The following CSMD1 variants were observed in gnomAD, a reference collection of about 807,000 sequenced individuals.
CSMD1 encodes CUB and sushi domain-containing protein 1.
Under a neutral mutation model 417.5 loss-of-function variants are expected in CSMD1, and 213 were observed. That is an observed-to-expected ratio of 0.51 (90% CI 0.46 to 0.57). The LOEUF (loss-of-function observed/expected upper bound fraction) is 0.57, where lower values mean the gene tolerates loss of function less well. Among genes scored for constraint, CSMD1 ranks in the 20% least tolerant of loss-of-function variants. CSMD1 has a pLI of 0.00. For synonymous variants in CSMD1, 2,862 were observed against 1,736.8 expected, an observed-to-expected ratio of 1.65 and a Z score of -16.11; for missense variants, 6,923 against 4,529.7, an observed-to-expected ratio of 1.53 and a Z score of -15.17.
intron 6 of CSMD1, among the ~76,000 whole-genome samples, chr8:3,737,861 A>G (rs1415427939): frequency 6.6e-6 from 1 of 152,238 alleles, no homozygotes; most frequent in African/African-American, 2.4e-5. Context: ...ATGTTAAGTC[A>G]GCCTTATTTA....
At chr8:4,381,719 C>T (rs531732493) in intron 3 of CSMD1, among the ~76,000 whole-genome samples, 7 of 152,062 alleles carry the variant, frequency 4.6e-5, no homozygotes, top group Non-Finnish European at 8.8e-5. Context: ...TTCACGCTGC[C>T]GTGGATGGAC....
At chr8:4,431,202 G>T (rs1250538562) in intron 2 of CSMD1, among the ~76,000 whole-genome samples, 1 of 151,790 alleles carries the variant, frequency 6.6e-6, no homozygotes, top group Non-Finnish European at 1.5e-5. Context: ...GTTTATTCCA[G>T]GTCTGTTTTC....
At chr8:4,157,543 C>G (rs965024650) in intron 3 of CSMD1, among the ~76,000 whole-genome samples, 1 of 152,162 alleles carries the variant, frequency 6.6e-6, no homozygotes, top group African/African-American at 2.4e-5. Flanking sequence ...TACCTCTAGT[C>G]AATGACTGTG....
intron 5 of CSMD1, among the ~76,000 whole-genome samples, chr8:3,992,426 T>A (rs1529321): frequency 0.77 from 116,564 of 152,022 alleles, 44,968 homozygotes; most frequent in East Asian, 0.98. Context: ...AAAACAAAAA[T>A]AAGTGTTGAG....
At chr8:3,665,147 G>C (rs1205024888) in intron 7 of CSMD1, among the ~76,000 whole-genome samples, 1 of 152,142 alleles carries the variant, frequency 6.6e-6, no homozygotes, top group Non-Finnish European at 1.5e-5. Flanking sequence ...TGTATCATGA[G>C]CATTGACCAA....
intron 7 of CSMD1, among the ~76,000 whole-genome samples, chr8:3,675,936 T>C (rs1799352396): frequency 6.6e-6 from 1 of 152,200 alleles, no homozygotes; most frequent in Non-Finnish European, 1.5e-5. Flanking sequence ...GAGAGTAATG[T>C]ACCTGAGTAT....
At chr8:3,741,343 G>A (rs771013986) in intron 6 of CSMD1, among the ~76,000 whole-genome samples, 1 of 151,606 alleles carries the variant, frequency 6.6e-6, no homozygotes, top group Non-Finnish European at 1.5e-5. Flanking sequence ...CTTTCAAGAA[G>A]TTTGACAGTG....
intron 3 of CSMD1, among the ~76,000 whole-genome samples, chr8:4,038,228 T>G (rs1042761516): frequency 6.6e-6 from 1 of 152,114 alleles, no homozygotes; most frequent in Non-Finnish European, 1.5e-5. Flanking sequence ...TGTAAAAATT[T>G]TAATGGGAAC....
intron 1 of CSMD1, among the ~76,000 whole-genome samples, chr8:4,950,731 C>A (rs11783879): frequency 2.0e-5 from 3 of 151,964 alleles, no homozygotes; most frequent in Non-Finnish European, 2.9e-5. Context: ...GAATACCACG[C>A]ACTTTCAAAC....
At chr8:4,509,264 A>C (rs1802694910) in intron 2 of CSMD1, among the ~76,000 whole-genome samples, 1 of 152,090 alleles carries the variant, frequency 6.6e-6, no homozygotes, top group Non-Finnish European at 1.5e-5. Context: ...AATATGCCAT[A>C]TTTTCTTTTA....
intron 26 of CSMD1, among the ~76,000 whole-genome samples, chr8:3,250,043 C>G (rs569965906): frequency 6.6e-6 from 1 of 152,182 alleles, no homozygotes; most frequent in South Asian, 2.1e-4. Context: ...TCCATGTGAC[C>G]AAGTACATAT....
chr8:4,147,044 C>T (rs1284892532), intron 3 of CSMD1, among the ~76,000 whole-genome samples: 3 of 152,048 alleles, frequency 2.0e-5, no homozygotes, highest in African/African-American at 4.8e-5. Flanking sequence ...GTTTTCTGGG[C>T]TTTTCCTTCA....
intron 49 of CSMD1, among the ~76,000 whole-genome samples, chr8:3,072,911 C>T (rs1261994614): frequency 2.6e-5 from 4 of 151,962 alleles, no homozygotes; most frequent in Non-Finnish European, 5.9e-5. Context: ...CCAGTATTTG[C>T]CTTCAAGTGT....
chr8:4,407,298 C>T (rs1563141041), intron 3 of CSMD1, among the ~76,000 whole-genome samples: 1 of 152,096 alleles, frequency 6.6e-6, no homozygotes, highest in Non-Finnish European at 1.5e-5. Context: ...GGAATAAAAT[C>T]ACTGCTATAA....
At chr8:3,755,340 T>C (rs2062071) in intron 5 of CSMD1, among the ~76,000 whole-genome samples, 23,207 of 152,220 alleles carry the variant, frequency 0.15, 1,810 homozygotes, top group Admixed American at 0.19. Context: ...CGAAAGATGA[T>C]AGAGATGCAC....
intron 3 of CSMD1, among the ~76,000 whole-genome samples, chr8:4,265,437 G>C (rs1463865763): frequency 9.4e-6 from 1 of 106,798 alleles, no homozygotes; most frequent in African/African-American, 2.6e-5. Context: ...TTGAAAAAGT[G>C]TCCTCTAACT....
intron 12 of CSMD1, among the ~76,000 whole-genome samples, chr8:3,410,263 T>C (rs185492287): frequency 4.6e-5 from 7 of 152,354 alleles, no homozygotes; most frequent in East Asian, 1.9e-4. Context: ...TATTTATTCA[T>C]TTAAAAGACT....
chr8:3,912,475 G>C (rs2912285), intron 5 of CSMD1, among the ~76,000 whole-genome samples: 36,790 of 151,976 alleles, frequency 0.24, 5,231 homozygotes, highest in African/African-American at 0.39. Context: ...GAGGCTGCGT[G>C]CTCCTAGACC....
intron 3 of CSMD1, among the ~76,000 whole-genome samples, chr8:4,415,939 T>C (rs149642241): frequency 6.6e-6 from 1 of 152,334 alleles, no homozygotes; most frequent in East Asian, 1.9e-4. Flanking sequence ...TCTGCTTTCA[T>C]TCCCTAGCAG....
Sources: gnomAD v4.1 joint callset for allele counts (sites outside exome capture counted in the v4.1 genomes callset) on GRCh38, gnomAD v4.1.1 for gene constraint, MANE v1.5 for transcripts, NCBI Gene and HGNC (gene_info 2026-07-23, HGNC 2026-07-21) for gene names.